The following ZFP90 variants were observed in gnomAD, a reference collection of about 807,000 sequenced individuals.
The protein encoded by ZFP90 is ZFP90 zinc finger protein, also known as zinc finger protein 90 homolog.
A neutral mutation model predicts 60.8 loss-of-function variants in ZFP90; 38 were observed. The ratio of observed to expected loss-of-function variants is 0.62; its 90% CI spans 0.48 to 0.82. ZFP90 has a LOEUF of 0.82. Ranked by LOEUF, ZFP90 falls within the 40% of genes least tolerant of loss-of-function variation. The pLI is 0.00. For missense variants in ZFP90, 711 were observed against 759.1 expected, an observed-to-expected ratio of 0.94 and a Z score of 0.74; for synonymous variants, 287 against 264.8, an observed-to-expected ratio of 1.08 and a Z score of -0.82.
At position 68,566,624 on chromosome 16, in the gene ZFP90, A is replaced by G. The variant is rs887099536; in HGVS notation, c.*1926A>G. 3 of 985,588 alleles carry G rather than the reference A, an allele frequency of 3.0e-6. No homozygotes were observed. Among genetic ancestry groups the G allele is most frequent in the Non-Finnish European group, 3.6e-6 (3 of 829,932 alleles). The allele number at this position is 985,588 out of a possible 1,614,324, so 61.1% of individuals were successfully genotyped here. On this transcript the variant is annotated 3_prime_UTR_variant, in exon 5 of 5. Transcript: ENST00000563169. The stretch of plus-strand genomic sequence containing the variant: ...GCCCTTCTGAGATGCTGACCATCCA[A>G]AACACCTTGTTTATGGTGCACCATG...
downstream of ZFP90, among the ~76,000 whole-genome samples, chr16:68,569,777 A>T (rs1403061116): frequency 1.3e-5 from 2 of 152,120 alleles, no homozygotes; most frequent in Non-Finnish European, 2.9e-5. Context: ...ACGTGGTCTC[A>T]AAAAAATAAT....
intron 2 of ZFP90, among the ~76,000 whole-genome samples, chr16:68,540,456 C>T (rs767488290): frequency 2.6e-5 from 4 of 152,164 alleles, no homozygotes; most frequent in African/African-American, 7.2e-5. Flanking sequence ...CAGCCTTCAC[C>T]TTAATGTGAG....
intron 2 of ZFP90, among the ~76,000 whole-genome samples, chr16:68,548,474 C>CTTTTTTTTTTTTTTTTTT (rs551779570): frequency 4.9e-5 from 4 of 81,046 alleles, no homozygotes; most frequent in Admixed American, 2.0e-4. Flanking sequence ...GTTTATCCTC[C>CTTTTTTTTTTTTTTTTTT]TTTTTTTTTT....
At chr16:68,554,692 T>TTGTAATCTCAGC (rs1226904709) in intron 2 of ZFP90, among the ~76,000 whole-genome samples, 22 of 152,052 alleles carry the variant, frequency 1.4e-4, no homozygotes, top group African/African-American at 5.3e-4. Context: ...AGGCTCACAC[T>TTGTAATCTCAGC]TGTAATCTCA....
chr16:68,563,686 A>G lies in ZFP90; in HGVS notation c.899A>G (p.His300Arg), dbSNP rs751719300. 6.2e-7 allele frequency: 1 copy of G among 1,614,206 alleles called. No homozygotes were observed. The highest frequency in any genetic ancestry group is 8.5e-7 in the Non-Finnish European group (1 of 1,180,038). The stretch of plus-strand genomic sequence containing the variant: ...AGGCATAGCTCATCTCTTGGTCAGC[A>G]TGAGAATGCTCATACCGGAGAGAAA... ...AFRHSSSLGQHENAHTGEKPY... is the reference protein window; with the variant it reads ...AFRHSSSLGQRENAHTGEKPY... The change falls in exon 5 of 5, where the codon CAT (histidine) becomes CGT (arginine). Residue 300 changes from histidine (H) to arginine (R), a missense_variant. His to Arg is a conservative substitution (Grantham distance 29). Coordinates refer to ENST00000563169, the MANE Select transcript of ZFP90 (RefSeq NM_001305203.2).
In ZFP90 at chr16:68,564,974, G is replaced by C; in HGVS notation, c.*276G>C. 1 of 1,130,756 alleles carries C rather than the reference G, an allele frequency of 8.8e-7. No individual in the cohort carries two copies. Among genetic ancestry groups the C allele is most frequent in the Non-Finnish European group, 1.1e-6 (1 of 923,818 alleles). The allele number at this position is 1,130,756 out of a possible 1,614,324, so 70.0% of individuals were successfully genotyped here. Reference sequence around the variant, plus strand: ...TTTGCTTTTGAATATATGTATGCAGGATATCATCAAGTTTCAACATCTTGA... The same window carrying C: ...TTTGCTTTTGAATATATGTATGCAGCATATCATCAAGTTTCAACATCTTGA... On this transcript the variant is annotated 3_prime_UTR_variant, in exon 5 of 5. Transcript: ENST00000563169.
upstream of ZFP90, among the ~76,000 whole-genome samples, chr16:68,538,895 G>A (rs978823344): frequency 2.6e-5 from 4 of 152,172 alleles, no homozygotes; most frequent in African/African-American, 7.2e-5. Flanking sequence ...TGAAGAAGAT[G>A]TAAATGCCCC....
At chr16:68,553,965 G>A (rs7202660) in intron 2 of ZFP90, among the ~76,000 whole-genome samples, 5,178 of 152,126 alleles carry the variant, frequency 0.034, 276 homozygotes, top group African/African-American at 0.12. Flanking sequence ...TTGTAATGTG[G>A]AAAATGGACT....
At chr16:68,576,381 A>T (rs747457817), downstream of ZFP90, among the ~76,000 whole-genome samples, 1 of 152,210 alleles carries the variant, frequency 6.6e-6, no homozygotes, top group Non-Finnish European at 1.5e-5. Context: ...GTAGGTAACA[A>T]TGCAAACAAT....
intron 2 of ZFP90, among the ~76,000 whole-genome samples, chr16:68,542,782 T>G (rs1359065968): frequency 6.6e-6 from 1 of 152,188 alleles, no homozygotes; most frequent in Non-Finnish European, 1.5e-5. Context: ...GCCTTGTAAC[T>G]CGTTCATTCA....
Position 68,564,164 on chromosome 16 carries a change from T to C in ZFP90, c.1377T>C (p.Phe459=), listed in dbSNP as rs759699677. 17 of 1,614,072 alleles carry C rather than the reference T, an allele frequency of 1.1e-5. No homozygotes were observed. Among genetic ancestry groups the C allele is most frequent in the South Asian group, 7.7e-5 (7 of 91,090 alleles). The change falls in exon 5 of 5, where the codon TTT becomes TTC. Residue 459 remains phenylalanine, a synonymous_variant. Coordinates refer to ENST00000563169, the MANE Select transcript of ZFP90 (RefSeq NM_001305203.2). The part of the protein sequence containing the change: ...SYHCNDCGED[F]SHITDFTDHQ... ...ATTGTAATGACTGTGGGGAAGACTTTAGTCACATTACAGACTTTACTGACC... is the reference window on the plus strand; with the variant it reads ...ATTGTAATGACTGTGGGGAAGACTTCAGTCACATTACAGACTTTACTGACC...
chr16:68,568,643 A>C (rs1456816838), downstream of ZFP90, among the ~76,000 whole-genome samples: 1 of 152,224 alleles, frequency 6.6e-6, no homozygotes, highest in Non-Finnish European at 1.5e-5. Context: ...TATGAACACA[A>C]CAGAAATACT....
chr16:68,564,996 T>C lies in ZFP90; in HGVS notation c.*298T>C. On this transcript the variant is annotated 3_prime_UTR_variant, in exon 5 of 5. Coordinates refer to ENST00000563169, the MANE Select transcript of ZFP90 (RefSeq NM_001305203.2). ...CAGGATATCATCAAGTTTCAACATC[T>C]TGACTTGTGACCCCCAATGTCAACA... The C allele has an allele frequency of 2.8e-6, 3 of 1,081,850 alleles. No individual in the cohort carries two copies. The highest frequency in any genetic ancestry group is 3.4e-6 in the Non-Finnish European group (3 of 892,794). The allele number at this position is 1,081,850 out of a possible 1,614,324, so 67.0% of individuals were successfully genotyped here.
chr16:68,544,707 G>A (rs747277127), intron 2 of ZFP90, among the ~76,000 whole-genome samples: 4 of 152,052 alleles, frequency 2.6e-5, no homozygotes, highest in Non-Finnish European at 5.9e-5. Context: ...CAGGATGTTT[G>A]TAGTCAAGGA....
At chr16:68,539,569 G>T (rs1212826313) in intron 1 of ZFP90, 90 bp downstream of exon 1, 6 of 541,466 alleles carry the variant, frequency 1.1e-5, no homozygotes, top group Non-Finnish European at 1.9e-5. Context: ...GGGCGTGGCC[G>T]GAGGGGGGTG....
intron 2 of ZFP90, among the ~76,000 whole-genome samples, chr16:68,556,123 T>C (rs1046130002): frequency 4.6e-5 from 7 of 152,168 alleles, no homozygotes; most frequent in Non-Finnish European, 8.8e-5. Flanking sequence ...TGATTCATGA[T>C]TGAGCCACTG....
chr16:68,567,040 T>C lies in ZFP90; in HGVS notation c.*2342T>C. On this transcript the variant is annotated 3_prime_UTR_variant, in exon 5 of 5. Coordinates refer to ENST00000563169, the MANE Select transcript of ZFP90 (RefSeq NM_001305203.2). Reference sequence around the variant, plus strand: ...TCTTAGTCCCAACAGCCATGAACCATGCACTTATGGATACCCAGCCTTTTA... The same window carrying C: ...TCTTAGTCCCAACAGCCATGAACCACGCACTTATGGATACCCAGCCTTTTA... 2 of 985,598 alleles carry C rather than the reference T, an allele frequency of 2.0e-6. No homozygotes were observed. The highest frequency in any genetic ancestry group is 2.4e-6 in the Non-Finnish European group (2 of 829,944). 61.1% of individuals were successfully genotyped at this position (985,598 alleles called of 1,614,324 possible).
chr16:68,559,561 A>AAATTAATT (rs58650630), intron 4 of ZFP90, among the ~76,000 whole-genome samples: 1 of 150,778 alleles, frequency 6.6e-6, no homozygotes, highest in East Asian at 1.9e-4. Context: ...CCAGATTTTT[A>AAATTAATT]AATTAATTAA....
chr16:68,544,045 G>A (rs2091101698), intron 2 of ZFP90, among the ~76,000 whole-genome samples: 1 of 151,834 alleles, frequency 6.6e-6, no homozygotes, highest in Admixed American at 6.6e-5. Flanking sequence ...CTAGAGATGG[G>A]GTTTCACTAT....
Sources: gnomAD v4.1 joint callset for allele counts (sites outside exome capture counted in the v4.1 genomes callset) on GRCh38, gnomAD v4.1.1 for gene constraint, MANE v1.5 for transcripts, NCBI Gene and HGNC (gene_info 2026-07-23, HGNC 2026-07-21) for gene names.